The following IGFN1 variants were observed in gnomAD, a reference collection of about 807,000 sequenced individuals.
The protein encoded by IGFN1 is immunoglobulin-like and fibronectin type III domain-containing protein 1.
Under a neutral mutation model 289.5 loss-of-function variants are expected in IGFN1, and 253 were observed. The observed-to-expected ratio is 0.87, with a 90% CI of 0.79 to 0.97. The LOEUF (loss-of-function observed/expected upper bound fraction) is 0.97, where lower values mean the gene tolerates loss of function less well. Ranked by LOEUF, IGFN1 falls within the 50% of genes least tolerant of loss-of-function variation. The pLI, the probability that IGFN1 is intolerant of heterozygous loss-of-function variation, is 0.00. For missense variants in IGFN1, 4,470 were observed against 4,686.1 expected (o/e 0.95, Z 1.35); for synonymous variants, 1,706 against 1,788.5 (o/e 0.95, Z 1.16).
In IGFN1 at chr1:201,221,499, C is replaced by T. The variant is rs776277023; in HGVS notation, c.9954C>T (p.Ile3318=). The change falls in exon 19 of 24, where the codon ATC becomes ATT. Residue 3318 remains isoleucine (I), a synonymous_variant. Coordinates refer to ENST00000335211, the MANE Select transcript of IGFN1 (RefSeq NM_001164586.2). ...TCACAGACAGATCGAACACCAGCAT[C>T]ACTCTGAGCTGGGCTGGGCCAGACA... ...LQVTDRSNTS[I]TLSWAGPDTQ... 6.2e-6 allele frequency: 10 copies of T among 1,613,180 alleles called. No individual in the cohort carries two copies. The highest frequency in any genetic ancestry group is 8.5e-6 in the Non-Finnish European group (10 of 1,179,602).
rs1166407566 is a variant in IGFN1 at position 201,213,495 on chromosome 1, C to T, written c.8602C>T (p.His2868Tyr). ...NEDQSREPPG[H>Y]LGSRRSGKDG... ...AGATCAGAGCCGGGAGCCCCCTGGT[C>T]ACCTTGGTAGCAGGAGAAGTGGCAA... Residue 2868 changes from histidine (H) to tyrosine (Y), a missense_variant, in exon 12 of 24, where the codon CAC becomes TAC. His to Tyr is a moderately conservative substitution (Grantham distance 83). This residue lies in a region of IGFN1 where 2,218 missense variants were observed against 2,114.1 expected (regional missense o/e 1.05). Coordinates refer to ENST00000335211, the MANE Select transcript of IGFN1 (RefSeq NM_001164586.2). 1.2e-6 allele frequency: 2 copies of T among 1,613,998 alleles called. No homozygotes were observed. The highest frequency in any genetic ancestry group is 1.7e-6 in the Non-Finnish European group (2 of 1,179,944).
At chr1:201,201,598 C>A in intron 8 of IGFN1, 121 bp from the exon 9 acceptor site, 3 of 595,838 alleles carry the variant, frequency 5.0e-6, no homozygotes, top group Non-Finnish European at 9.1e-6. Context: ...GTAAAAGGGG[C>A]CAATGCATGC....
chr1:201,208,822 T>C lies in IGFN1; in HGVS notation c.3929T>C (p.Val1310Ala), dbSNP rs1667563401. 2.6e-6 allele frequency: 4 copies of C among 1,535,934 alleles called. No individual in the cohort carries two copies. The Middle Eastern group carries it at 5.0e-4, about 192-fold the overall frequency. The change falls in exon 12 of 24, where the codon GTA (valine) becomes GCA (alanine). Residue 1310 changes from valine to alanine, a missense_variant. Val to Ala is a moderately conservative substitution (Grantham distance 64). This residue lies in a region of IGFN1 where 2,011 missense variants were observed against 1,953.4 expected (regional missense o/e 1.03). Coordinates refer to ENST00000335211, the MANE Select transcript of IGFN1 (RefSeq NM_001164586.2). ...AGCAAGGCAGATTATAGGGATGGTG[T>C]AGGGGGTTCTGGGGCAATGGGGTCA... ...SGSKADYRDG[V>A]GGSGAMGSMD...
In IGFN1 at chr1:201,209,015, T is replaced by G. The variant is rs1383315603; in HGVS notation, c.4122T>G (p.Asp1374Glu). 2.0e-6 allele frequency: 3 copies of G among 1,535,776 alleles called. No homozygotes were observed. In the East Asian group the frequency reaches 7.4e-5, roughly 38 times the overall value. The change falls in exon 12 of 24, where the codon GAT becomes GAG. Residue 1374 changes from aspartate (D) to glutamate (E), a missense_variant. Asp to Glu is a conservative substitution (Grantham distance 45). Around this residue, in one of 8 missense-constraint regions of IGFN1, gnomAD observed 2,011 missense variants for 1,953.4 expected, o/e 1.03. Coordinates refer to ENST00000335211, the MANE Select transcript of IGFN1 (RefSeq NM_001164586.2). ...GTTCCAGGGAAATCGGGTCAATGGA[T>G]GAAACAGATAATAGGAAAGATTTGG... The part of the protein sequence containing the change: ...LKGSREIGSM[D>E]ETDNRKDLGV...
chr1:201,199,056 C>T (rs955062039), intron 5 of IGFN1, among the ~76,000 whole-genome samples: 3 of 152,178 alleles, frequency 2.0e-5, no homozygotes, highest in Non-Finnish European at 4.4e-5. Flanking sequence ...ATGCCACCTC[C>T]CTGGCCCCTG....
chr1:201,195,805 T>C, intron 3 of IGFN1, 34 bp from the exon 4 acceptor site: 1 of 1,541,424 alleles, frequency 6.5e-7, no homozygotes, highest in Non-Finnish European at 8.8e-7. Context: ...TCTCCCAACT[T>C]GTCAGTCTCC....
chr1:201,218,429 G>A, intron 17 of IGFN1, 101 bp from the exon 18 acceptor site: 1 of 1,166,012 alleles, frequency 8.6e-7, no homozygotes. Flanking sequence ...GGATGTGTTA[G>A]GACCCCAGGC....
chr1:201,227,825 C>T (rs571119819), intron 23 of IGFN1, among the ~76,000 whole-genome samples: 16 of 152,216 alleles, frequency 1.1e-4, no homozygotes, highest in South Asian at 8.3e-4. Context: ...AGTGGGGCCA[C>T]GCTACACATT....
intron 3 of IGFN1, among the ~76,000 whole-genome samples, chr1:201,194,991 T>A (rs184903910): frequency 1.3e-5 from 2 of 152,212 alleles, no homozygotes; most frequent in Admixed American, 1.3e-4. Context: ...GGCGGGCAGT[T>A]CCCAGGCCTC....
rs566696923 is a variant in IGFN1, at chr1:201,218,580, C to T, written c.9820C>T (p.Arg3274Trp). Residue 3274 changes from arginine to tryptophan, a missense_variant, in exon 18 of 24, where the codon CGG becomes TGG. Coordinates refer to ENST00000335211, the MANE Select transcript of IGFN1 (RefSeq NM_001164586.2). ...GCGGCAGGGCTGTCAGTATGAGTTC[C>T]GGGTCACAGCTGTGGCTCCCTCAGG... Reference protein sequence around the residue: ...DVRQGCQYEFRVTAVAPSGPG... With the variant: ...DVRQGCQYEFWVTAVAPSGPG... 1.2e-5 allele frequency: 20 copies of T among 1,613,306 alleles called. No homozygotes were observed. The highest frequency in any genetic ancestry group is 1.7e-5 in the Admixed American group (1 of 59,998).
At position 201,211,360 on chromosome 1, in the gene IGFN1, G is replaced by T. The variant is rs1238090880; in HGVS notation, c.6467G>T (p.Ser2156Ile). The T allele has an allele frequency of 6.7e-7, 1 of 1,491,500 alleles. No individual in the cohort carries two copies. The highest frequency in any genetic ancestry group is 8.9e-7 in the Non-Finnish European group (1 of 1,118,856). 92.4% of individuals were successfully genotyped at this position (1,491,500 alleles called of 1,614,324 possible). The stretch of plus-strand genomic sequence containing the variant: ...GCTCCTAAGGGAATGGGTTCAGAGA[G>T]TAAGGCAGGTTTTAGGGATGGTTTA... ...LGAPKGMGSE[S>I]KAGFRDGLGS... Residue 2156 changes from serine (S) to isoleucine (I), a missense_variant, in exon 12 of 24, where the codon AGT (serine) becomes ATT (isoleucine). Ser to Ile is a moderately radical substitution (Grantham distance 142). Around this residue, in one of 8 missense-constraint regions of IGFN1, gnomAD observed 2,218 missense variants for 2,114.1 expected, o/e 1.05. Coordinates refer to ENST00000335211, the MANE Select transcript of IGFN1 (RefSeq NM_001164586.2).
At chr1:201,226,820 G>T in intron 22 of IGFN1, 62 bp from the exon 23 acceptor site, 1 of 1,290,048 alleles carries the variant, frequency 7.8e-7, no homozygotes, top group South Asian at 1.4e-5. Context: ...ACCCAGACCC[G>T]GGTCTCAGCC....
At chr1:201,203,711 C>G in intron 9 of IGFN1, 27 bp from the exon 10 acceptor site, 1 of 1,549,008 alleles carries the variant, frequency 6.5e-7, no homozygotes, top group Non-Finnish European at 8.7e-7. Flanking sequence ...CACTGAGGCC[C>G]GCCTCCTCTT....
intron 15 of IGFN1, 59 bp downstream of exon 15, chr1:201,215,897 C>T (rs1653223260): frequency 1.3e-6 from 2 of 1,534,528 alleles, no homozygotes; most frequent in Non-Finnish European, 8.9e-7. Flanking sequence ...CTGGGCCCTC[C>T]CTGCCATCAA....
chr1:201,203,790 G>T lies in IGFN1; in HGVS notation c.800G>T (p.Arg267Leu), dbSNP rs1030373315. 6.4e-7 allele frequency: 1 copy of T among 1,551,732 alleles called. No homozygotes were observed. Among genetic ancestry groups the T allele is most frequent in the Non-Finnish European group, 8.7e-7 (1 of 1,147,022 alleles). Residue 267 changes from arginine (R) to leucine (L), a missense_variant, in exon 10 of 24, where the codon CGC becomes CTC. By Grantham distance (102) the Arg-to-Leu change is moderately radical. Coordinates refer to ENST00000335211, the MANE Select transcript of IGFN1 (RefSeq NM_001164586.2). ...GFNNQTKHCL[R>L]RLGKRYEFQI... ...AACAACCAAACCAAGCACTGTCTGC[G>T]CCGGCTGGGGAAGCGCTATGAGTTC...
chr1:201,211,849 A>T lies in IGFN1; in HGVS notation c.6956A>T (p.Glu2319Val), dbSNP rs1302850451. The T allele has an allele frequency of 1.3e-6, 2 of 1,536,134 alleles. No individual in the cohort carries two copies. Among genetic ancestry groups the T allele is most frequent in the Non-Finnish European group, 1.7e-6 (2 of 1,146,326 alleles). Residue 2319 changes from glutamate to valine, a missense_variant, in exon 12 of 24, where the codon GAG becomes GTG. This residue lies in a region of IGFN1 where 2,218 missense variants were observed against 2,114.1 expected (regional missense o/e 1.05). Transcript: ENST00000335211. Reference sequence around the variant, plus strand: ...TCTGGGTACATTTTGTCATGGAATGAGGCAGGTTCTAGGCAAGGCTTTGGG... The same window carrying T: ...TCTGGGTACATTTTGTCATGGAATGTGGCAGGTTCTAGGCAAGGCTTTGGG... ...EDSGYILSWN[E>V]AGSRQGFGGT... is the part of the protein sequence containing the mutation.
chr1:201,211,847 T>C lies in IGFN1; in HGVS notation c.6954T>C (p.Asn2318=). 6.5e-7 allele frequency: 1 copy of C among 1,536,168 alleles called. No individual in the cohort carries two copies. Among genetic ancestry groups the C allele is most frequent in the Non-Finnish European group, 8.7e-7 (1 of 1,146,380 alleles). The stretch of plus-strand genomic sequence containing the variant: ...ATTCTGGGTACATTTTGTCATGGAA[T>C]GAGGCAGGTTCTAGGCAAGGCTTTG... ...LEDSGYILSW[N]EAGSRQGFGG... is the part of the protein sequence containing the mutation. The change falls in exon 12 of 24, where the codon AAT becomes AAC. Residue 2318 remains asparagine, a synonymous_variant. Coordinates refer to ENST00000335211, the MANE Select transcript of IGFN1 (RefSeq NM_001164586.2).
chr1:201,206,084 T>A lies in IGFN1; in HGVS notation c.1191T>A (p.Ala397=). The A allele has an allele frequency of 6.5e-7, 1 of 1,543,660 alleles. No individual in the cohort carries two copies. Among genetic ancestry groups the A allele is most frequent in the Non-Finnish European group, 8.8e-7 (1 of 1,141,148 alleles). ...YTSSAWLVVE[A]GKDKDLQSTS... is the part of the protein sequence containing the mutation. ...CATATGAATAACCCCTCACTGAAGCTGGGAAGGATAAAGACCTTCAGTCCA... is the reference window on the plus strand; with the variant it reads ...CATATGAATAACCCCTCACTGAAGCAGGGAAGGATAAAGACCTTCAGTCCA... Residue 397 remains alanine, a splice_region_variant and synonymous_variant, in exon 12 of 24, where the codon GCT becomes GCA. Transcript: ENST00000335211.
At chr1:201,196,764 C>T (rs573526488) in intron 4 of IGFN1, among the ~76,000 whole-genome samples, 131 of 152,284 alleles carry the variant, frequency 8.6e-4, no homozygotes, top group Non-Finnish European at 1.6e-3. Flanking sequence ...CCATGGGATA[C>T]CTACTATGTG....
Sources: gnomAD v4.1 joint callset for allele counts (sites outside exome capture counted in the v4.1 genomes callset) on GRCh38, gnomAD v4.1.1 for gene constraint, gnomAD v4.1.1 regional missense constraint, MANE v1.5 for transcripts, NCBI Gene and HGNC (gene_info 2026-07-23, HGNC 2026-07-21) for gene names.